The following MFSD8 variants were observed in gnomAD, a reference collection of about 807,000 sequenced individuals.
The protein encoded by MFSD8 is major facilitator superfamily domain containing 8.
MFSD8 carries 55 observed loss-of-function variants against 66.4 expected under a neutral mutation model. That is an observed-to-expected ratio of 0.83 (90% CI 0.67 to 1.04). The LOEUF is 1.04. Among genes scored for constraint, MFSD8 ranks in the 50% least tolerant of loss-of-function variants. MFSD8 has a pLI of 0.00. For synonymous variants in MFSD8, 202 were observed against 212.8 expected (o/e 0.95, Z 0.44); for missense variants, 550 against 627.6 (o/e 0.88, Z 1.32).
At chr4:127,956,499 T>TG (rs1439553798) in intron 2 of MFSD8, among the ~76,000 whole-genome samples, 2 of 137,700 alleles carry the variant, frequency 1.5e-5, no homozygotes, top group Non-Finnish European at 3.1e-5. Flanking sequence ...AACTCCGTCT[T>TG]GAAAAAAAAA....
At position 127,929,043 on chromosome 4, in the gene MFSD8, C is replaced by T. The variant is rs114720708; in HGVS notation, c.998+1640G>A. The stretch of plus-strand genomic sequence containing the variant: ...GGAGCTAAAAAAGTGAATCTCAGGT[C>T]GGCAGCGGTGGTTCACGCCTGTAAT... On this transcript the variant is annotated intron_variant, in intron 9 of 11. Transcript: ENST00000641686. Among the ~76,000 whole-genome samples the T allele has an allele frequency of 4.6e-3, 698 of 151,996 alleles. 5 individuals carry two copies. The highest frequency in any genetic ancestry group is 0.016 in the African/African-American group (670 of 41,440).
At chr4:127,940,916 G>T (rs905420220) in intron 5 of MFSD8, among the ~76,000 whole-genome samples, 1 of 152,066 alleles carries the variant, frequency 6.6e-6, no homozygotes, top group African/African-American at 2.4e-5. Flanking sequence ...AAATGTTAGT[G>T]CTTGTTGAGG....
chr4:127,928,154 C>A (rs986326555), intron 9 of MFSD8, among the ~76,000 whole-genome samples: 5 of 152,154 alleles, frequency 3.3e-5, no homozygotes, highest in Admixed American at 2.0e-4. Context: ...CAGGTTGAAG[C>A]GATTCTCTTG....
At chr4:127,934,268 A>G (rs1578858858) in intron 7 of MFSD8, among the ~76,000 whole-genome samples, 1 of 152,130 alleles carries the variant, frequency 6.6e-6, no homozygotes, top group East Asian at 1.9e-4. Flanking sequence ...ACAAGAAATT[A>G]GTATTCGTAA....
upstream of MFSD8, chr4:127,965,431 G>C: frequency 1.8e-6 from 1 of 548,286 alleles, no homozygotes; most frequent in South Asian, 2.0e-5. Context: ...CCTGCTCCGG[G>C]TTTGTCTTCC....
chr4:127,957,711 T>C (rs941013012), intron 1 of MFSD8, 119 bp from the exon 2 acceptor site: 2 of 696,196 alleles, frequency 2.9e-6, no homozygotes, highest in African/African-American at 3.6e-5. Flanking sequence ...TTTACCAATA[T>C]TGATTCTGCT....
intron 3 of MFSD8, among the ~76,000 whole-genome samples, chr4:127,948,816 G>T (rs1741485270): frequency 1.3e-5 from 2 of 152,166 alleles, no homozygotes. Flanking sequence ...GGACTCTTCG[G>T]AGAGTCCCCA....
At chr4:127,953,553 T>G (rs1225423768) in intron 2 of MFSD8, among the ~76,000 whole-genome samples, 2 of 136,312 alleles carry the variant, frequency 1.5e-5, no homozygotes, top group South Asian at 2.5e-4. Context: ...GTTTTTTTTT[T>G]TTTTTTTTTT....
intron 2 of MFSD8, among the ~76,000 whole-genome samples, chr4:127,956,546 C>T (rs375772272): frequency 6.7e-6 from 1 of 148,744 alleles, no homozygotes; most frequent in African/African-American, 2.5e-5. Context: ...TAACTGGGGG[C>T]GGTGACTCAC....
At chr4:127,947,255 T>C (rs966973373) in intron 3 of MFSD8, among the ~76,000 whole-genome samples, 4 of 152,026 alleles carry the variant, frequency 2.6e-5, no homozygotes, top group African/African-American at 4.8e-5. Context: ...CCAGGAATGG[T>C]GGCGGGTGCC....
chr4:127,946,910 A>G (rs781601410), intron 3 of MFSD8, among the ~76,000 whole-genome samples: 37 of 151,476 alleles, frequency 2.4e-4, no homozygotes, highest in Non-Finnish European at 4.7e-4. Context: ...GCGAGACTCC[A>G]TTTACAAAAA....
At chr4:127,964,775 G>C in intron 1 of MFSD8, 2 of 543,984 alleles carry the variant, frequency 3.7e-6, no homozygotes, top group Non-Finnish European at 6.6e-6. Context: ...AGGGCTGTGA[G>C]GACTGCCAGC....
chr4:127,941,835 C>T (rs139487026), intron 5 of MFSD8, among the ~76,000 whole-genome samples: 5 of 152,212 alleles, frequency 3.3e-5, no homozygotes, highest in African/African-American at 1.2e-4. Flanking sequence ...CACTGGCACT[C>T]TCAACTATAA....
chr4:127,924,525 A>G (rs1736880469), intron 9 of MFSD8, among the ~76,000 whole-genome samples: 1 of 152,208 alleles, frequency 6.6e-6, no homozygotes, highest in Admixed American at 6.5e-5. Flanking sequence ...TAGGAATACA[A>G]CTTACAAGGG....
At chr4:127,935,202 T>C (rs1738862907) in intron 7 of MFSD8, among the ~76,000 whole-genome samples, 1 of 152,216 alleles carries the variant, frequency 6.6e-6, no homozygotes, top group Non-Finnish European at 1.5e-5. Flanking sequence ...CTGATGGTTG[T>C]GGCTCTTGTA....
At chr4:127,940,418 T>G (rs1739970406) in intron 5 of MFSD8, among the ~76,000 whole-genome samples, 1 of 151,508 alleles carries the variant, frequency 6.6e-6, no homozygotes, top group African/African-American at 2.4e-5. Context: ...ATTATACAAT[T>G]TCTTCCAAAA....
intron 3 of MFSD8, 136 bp downstream of exon 3, chr4:127,949,668 T>G: frequency 1.3e-6 from 1 of 745,082 alleles, no homozygotes; most frequent in Non-Finnish European, 2.2e-6. Context: ...TAAGCCTCTT[T>G]TAAGGAACTA....
intron 7 of MFSD8, 107 bp downstream of exon 7, chr4:127,938,676 C>G (rs571560938): frequency 4.8e-6 from 3 of 623,288 alleles, no homozygotes; most frequent in Non-Finnish European, 8.5e-6. Context: ...CCCAATCACC[C>G]ACTGTGTTGT....
upstream of MFSD8, chr4:127,965,925 A>G (rs1425904721): frequency 2.0e-5 from 3 of 152,400 alleles, no homozygotes; most frequent in Non-Finnish European, 4.4e-5. Context: ...CCAGGACTGA[A>G]GGTGGGATCT....
Sources: gnomAD v4.1 joint callset for allele counts (sites outside exome capture counted in the v4.1 genomes callset) on GRCh38, gnomAD v4.1.1 for gene constraint, MANE v1.5 for transcripts, NCBI Gene and HGNC (gene_info 2026-07-23, HGNC 2026-07-21) for gene names.